DOP1A: variants seen among roughly 807,000 people sequenced by gnomAD.
The protein encoded by DOP1A is DOP1 leucine zipper like protein A.
Under a neutral mutation model 267.6 loss-of-function variants are expected in DOP1A, and 90 were observed. The observed-to-expected ratio is 0.34, with a 90% CI of 0.28 to 0.40. DOP1A has a LOEUF of 0.40. Among genes scored for constraint, DOP1A ranks in the 10% least tolerant of loss-of-function variants. DOP1A has a pLI of 1.00. For missense variants in DOP1A, 2,437 were observed against 2,900.4 expected (o/e 0.84, Z 3.67); for synonymous variants, 932 against 999.1 (o/e 0.93, Z 1.27).
intron 34 of DOP1A, 79 bp downstream of exon 34, chr6:83,156,182 G>A (rs1042571554): frequency 1.7e-6 from 2 of 1,196,746 alleles, no homozygotes; most frequent in African/African-American, 3.1e-5. Context: ...TAAATACTAA[G>A]TTGGGGTAAA....
intron 18 of DOP1A, 104 bp from the exon 19 acceptor site, chr6:83,134,083 C>T (rs1229939365): frequency 5.7e-5 from 43 of 751,852 alleles, no homozygotes; most frequent in East Asian, 4.4e-4. Flanking sequence ...ATATTGTGGA[C>T]GTTGAACGTA....
chr6:83,121,612 TATC>T (rs1308793849), intron 10 of DOP1A, among the ~76,000 whole-genome samples: 2 of 151,770 alleles, frequency 1.3e-5, no homozygotes, highest in African/African-American at 4.8e-5. Context: ...ATTTTGGTAT[TATC>T]CTCATTCTGG....
Position 83,145,524 on chromosome 6 carries a change from G to C in DOP1A, c.5542G>C (p.Val1848Leu). 2 of 1,587,082 alleles carry C rather than the reference G, an allele frequency of 1.3e-6. No individual in the cohort carries two copies. The highest frequency in any genetic ancestry group is 2.3e-5 in the South Asian group (2 of 87,648). The change falls in exon 25 of 39, where the codon GTC becomes CTC. Residue 1848 changes from valine (V) to leucine (L), a missense_variant and splice_region_variant. Physicochemically the swap from Val to Leu is conservative, Grantham distance 32. Coordinates refer to ENST00000349129, the MANE Select transcript of DOP1A (RefSeq NM_015018.4). ...ATACATACAATGATTTATTACCTAGGTCATTCCTGCAGCCAGTGAAGAACA... is the reference window on the plus strand; with the variant it reads ...ATACATACAATGATTTATTACCTAGCTCATTCCTGCAGCCAGTGAAGAACA... Reference protein sequence around the residue: ...RQNKTTTRTKVIPAASEEQLL... With the variant: ...RQNKTTTRTKLIPAASEEQLL...
intron 1 of DOP1A, among the ~76,000 whole-genome samples, chr6:83,074,205 C>T (rs564636618): frequency 1.3e-5 from 2 of 151,566 alleles, no homozygotes; most frequent in Non-Finnish European, 2.9e-5. Flanking sequence ...ACAAATCAAG[C>T]ACTTTGACAA....
At chr6:83,097,285 A>C (rs924245306) in intron 3 of DOP1A, among the ~76,000 whole-genome samples, 170 bp downstream of exon 3, 1 of 152,198 alleles carries the variant, frequency 6.6e-6, no homozygotes, top group Non-Finnish European at 1.5e-5. Flanking sequence ...GTAGTCAAGC[A>C]TATTAAGGCT....
chr6:83,170,546 T>C (rs1257678137), downstream of DOP1A: 6 of 1,245,256 alleles, frequency 4.8e-6, no homozygotes, highest in Non-Finnish European at 6.9e-6. Context: ...CTGTTAAACA[T>C]ACATTCTACG....
chr6:83,068,782 A>T (rs1352177522), intron 1 of DOP1A, among the ~76,000 whole-genome samples: 2 of 152,266 alleles, frequency 1.3e-5, no homozygotes, highest in African/African-American at 4.8e-5. Flanking sequence ...TAGATAACAC[A>T]GTGATTTAGG....
chr6:83,167,941 G>A lies in DOP1A; in HGVS notation c.7172G>A (p.Arg2391His), dbSNP rs905788975. Reference protein sequence around the residue: ...GHLLLTICTVRSMEQLLPFFN... With the variant: ...GHLLLTICTVHSMEQLLPFFN... ...TTGCTGCTCACCATCTGCACCGTGC[G>A]CAGTATGGAGCAGCTCCTGCCGTTC... Residue 2391 changes from arginine to histidine, a missense_variant, in exon 39 of 39, where the codon CGC becomes CAC. Transcript: ENST00000349129. 22 of 1,614,024 alleles carry A rather than the reference G, an allele frequency of 1.4e-5. No individual in the cohort carries two copies. The highest frequency in any genetic ancestry group is 1.3e-4 in the East Asian group (6 of 44,886).
intron 24 of DOP1A, 126 bp from the exon 25 acceptor site, chr6:83,145,398 A>G: frequency 1.2e-6 from 1 of 849,354 alleles, no homozygotes; most frequent in African/African-American, 1.9e-5. Flanking sequence ...GGCTGGGCAA[A>G]ATAGCAAGAC....
Position 83,124,435 on chromosome 6 carries a change from T to C in DOP1A, c.1341-270T>C, listed in dbSNP as rs896068566. ...GAGGTGATATCTATACAGGAAGCAA[T>C]GGGAAATAAGTCCCAGAAAGTGAGA... is the stretch of plus-strand genomic sequence containing the variant. On this transcript the variant is annotated intron_variant, in intron 12 of 38. Coordinates refer to ENST00000349129, the MANE Select transcript of DOP1A (RefSeq NM_015018.4). Among the ~76,000 whole-genome samples, 7 of 152,072 alleles carry C rather than the reference T, an allele frequency of 4.6e-5. No homozygotes were observed. In the South Asian group the frequency reaches 1.5e-3, roughly 32 times the overall value.
intron 7 of DOP1A, among the ~76,000 whole-genome samples, chr6:83,113,865 A>C (rs555855835): frequency 2.0e-5 from 3 of 152,190 alleles, no homozygotes; most frequent in Non-Finnish European, 4.4e-5. Flanking sequence ...TATTACAAAT[A>C]AGTGCAACTA....
At chr6:83,125,065 A>T in intron 13 of DOP1A, 101 bp from the exon 14 acceptor site, 1 of 1,111,216 alleles carries the variant, frequency 9.0e-7, no homozygotes, top group Non-Finnish European at 1.3e-6. Flanking sequence ...TAGTGGTCTA[A>T]TGCTGCATTT....
chr6:83,089,432 T>G (rs931328204), intron 1 of DOP1A, among the ~76,000 whole-genome samples: 5 of 152,186 alleles, frequency 3.3e-5, no homozygotes, highest in Admixed American at 3.3e-4. Context: ...CTTTTTTGCT[T>G]TATTTTTATA....
chr6:83,133,616 A>AT (rs1167844421), intron 18 of DOP1A, among the ~76,000 whole-genome samples: 1 of 152,084 alleles, frequency 6.6e-6, no homozygotes, highest in Admixed American at 6.6e-5. Context: ...TAAATAATTT[A>AT]TTTTTACATT....
At chr6:83,088,241 A>G (rs950236700) in intron 1 of DOP1A, among the ~76,000 whole-genome samples, 2 of 152,124 alleles carry the variant, frequency 1.3e-5, no homozygotes, top group African/African-American at 2.4e-5. Flanking sequence ...ATGCAGAGGA[A>G]AGGCTGATGA....
At chr6:83,169,523 C>A (rs1386410831), downstream of DOP1A, 7 of 587,514 alleles carry the variant, frequency 1.2e-5, no homozygotes, top group African/African-American at 1.9e-5. Context: ...AGACCAAATT[C>A]TTCTAAATAA....
At position 83,137,978 on chromosome 6, in the gene DOP1A, A is replaced by G. The variant is rs1210765576; in HGVS notation, c.3936A>G (p.Lys1312=). The G allele has an allele frequency of 6.2e-7, 1 of 1,605,828 alleles. No homozygotes were observed. Among genetic ancestry groups the G allele is most frequent in the Non-Finnish European group, 8.5e-7 (1 of 1,177,634 alleles). Reference sequence around the variant, plus strand: ...GAAAAAAGGATGATGACAAGAAAAAATCTTCAAATGAAAAACTCAAACAAA... The same window carrying G: ...GAAAAAAGGATGATGACAAGAAAAAGTCTTCAAATGAAAAACTCAAACAAA... The part of the protein sequence containing the change: ...LARKKDDDKK[K]SSNEKLKQTS... The change falls in exon 21 of 39, where the codon AAA becomes AAG. Residue 1312 remains lysine (K), a synonymous_variant. Transcript: ENST00000349129.
At chr6:83,101,723 C>T (rs1461865040) in intron 4 of DOP1A, among the ~76,000 whole-genome samples, 1 of 152,118 alleles carries the variant, frequency 6.6e-6, no homozygotes, top group African/African-American at 2.4e-5. Flanking sequence ...CAAACTTAGC[C>T]ATACCCATGA....
chr6:83,113,304 A>G lies in DOP1A; in HGVS notation c.682-19A>G. 6.3e-7 allele frequency: 1 copy of G among 1,599,040 alleles called. No homozygotes were observed. Among genetic ancestry groups the G allele is most frequent in the Non-Finnish European group, 8.6e-7 (1 of 1,168,246 alleles). Reference sequence around the variant, plus strand: ...CTCAGCATAATAGACAATAGATGTTAAAGATGCTGTTATTTCAGGTAGAAG... The same window carrying G: ...CTCAGCATAATAGACAATAGATGTTGAAGATGCTGTTATTTCAGGTAGAAG... On this transcript the variant is annotated intron_variant, in intron 6 of 38. Transcript: ENST00000349129.
Sources: allele counts gnomAD v4.1 joint callset (sites outside exome capture counted in the v4.1 genomes callset), GRCh38; gene constraint gnomAD v4.1.1; transcripts MANE v1.5; gene names NCBI Gene and HGNC (gene_info 2026-07-23, HGNC 2026-07-21).